Variants in PRKAB1 observed in about 807,000 individuals in gnomAD.
PRKAB1 encodes 5'-AMP-activated protein kinase subunit beta-1.
Under a neutral mutation model 32.0 loss-of-function variants are expected in PRKAB1, and 18 were observed. The observed-to-expected ratio is 0.56, with a 90% CI of 0.39 to 0.83. The LOEUF (loss-of-function observed/expected upper bound fraction) is 0.83, where lower values mean the gene tolerates loss of function less well. PRKAB1 is among the 40% of genes least tolerant of loss of function. PRKAB1 has a pLI of 0.00. For synonymous variants in PRKAB1, 141 were observed against 141.4 expected, an observed-to-expected ratio of 1.00 and a Z score of 0.02; for missense variants, 263 against 352.6, an observed-to-expected ratio of 0.75 and a Z score of 2.03.
intron 4 of PRKAB1, 149 bp from the exon 5 acceptor site, chr12:119,676,388 C>T (rs1955426487): frequency 2.0e-6 from 2 of 1,018,556 alleles, no homozygotes; most frequent in Non-Finnish European, 2.9e-6. Flanking sequence ...CTCTATTCTG[C>T]ACTCTTGGAA....
intron 1 of PRKAB1, among the ~76,000 whole-genome samples, chr12:119,669,077 A>C (rs1272594719): frequency 1.3e-5 from 2 of 150,962 alleles, no homozygotes; most frequent in Non-Finnish European, 3.0e-5. Context: ...AGGTCGCGCC[A>C]CTGCACTCCA....
intron 4 of PRKAB1, 68 bp from the exon 5 acceptor site, chr12:119,676,469 A>G: frequency 1.4e-6 from 2 of 1,460,264 alleles, no homozygotes; most frequent in Non-Finnish European, 1.9e-6. Context: ...AGATGATGAC[A>G]ACATAAGTAA....
At chr12:119,670,647 C>T (rs1955380620) in intron 1 of PRKAB1, among the ~76,000 whole-genome samples, 1 of 152,192 alleles carries the variant, frequency 6.6e-6, no homozygotes, top group South Asian at 2.1e-4. Context: ...TTCCAAAACT[C>T]CTCCAGGAAA....
At position 119,674,300 on chromosome 12, in the gene PRKAB1, C is replaced by A; in HGVS notation, c.418-40C>A. 6.7e-7 allele frequency: 1 copy of A among 1,481,768 alleles called. No individual in the cohort carries two copies. Among genetic ancestry groups the A allele is most frequent in the East Asian group, 2.3e-5 (1 of 44,154 alleles). 91.8% of individuals were successfully genotyped at this position (1,481,768 alleles called of 1,614,324 possible). Reference sequence around the variant, plus strand: ...GTCCTCTGAAGAATAACTCCGCAGACCTTCCACGTTATGATTTCTGCCTAT... The same window carrying A: ...GTCCTCTGAAGAATAACTCCGCAGAACTTCCACGTTATGATTTCTGCCTAT... On this transcript the variant is annotated intron_variant, in intron 3 of 6. Transcript: ENST00000229328. The surrounding 1 kb of genome is among the most constrained non-coding windows in gnomAD (Gnocchi z 4.3).
At chr12:119,672,259 G>T in intron 1 of PRKAB1, 42 bp from the exon 2 acceptor site, 2 of 1,538,944 alleles carry the variant, frequency 1.3e-6, no homozygotes, top group Non-Finnish European at 1.8e-6. Flanking sequence ...CTGTTGTAGG[G>T]AGCTCGCTTA....
chr12:119,675,429 T>G (rs1210882156), intron 4 of PRKAB1, among the ~76,000 whole-genome samples: 1 of 152,212 alleles, frequency 6.6e-6, no homozygotes, highest in Non-Finnish European at 1.5e-5. Context: ...TAATTAGTCT[T>G]TTAGAGATAT....
rs752025164 is a variant in PRKAB1, at chr12:119,672,375, G to A, written c.234G>A (p.Arg78=). ...ATGATAAAGCTCCCGCCCAGGCTCG[G>A]CCAACGGTGTTTCGATGGACGGGGG... The part of the protein sequence containing the change: ...EVNDKAPAQA[R]PTVFRWTGGG... The change falls in exon 2 of 7, where the codon CGG becomes CGA. Residue 78 remains arginine (R), a synonymous_variant. Transcript: ENST00000229328. 18 of 1,612,918 alleles carry A rather than the reference G, an allele frequency of 1.1e-5. No homozygotes were observed. In the East Asian group the frequency reaches 3.8e-4, roughly 34 times the overall value.
At chr12:119,672,851 G>A (rs1237562368) in intron 2 of PRKAB1, among the ~76,000 whole-genome samples, 1 of 152,200 alleles carries the variant, frequency 6.6e-6, no homozygotes, top group Non-Finnish European at 1.5e-5. Context: ...GAGCCTCAGC[G>A]TTCGTTTCTG....
At chr12:119,680,115 C>T (rs1955453176) in intron 6 of PRKAB1, 114 bp downstream of exon 6, 1 of 1,483,756 alleles carries the variant, frequency 6.7e-7, no homozygotes, top group Non-Finnish European at 9.4e-7. Context: ...CAGGGTCTGG[C>T]ACAGGCCATC....
intron 5 of PRKAB1, among the ~76,000 whole-genome samples, chr12:119,677,068 C>A (rs892545999): frequency 7.2e-5 from 11 of 152,230 alleles, no homozygotes; most frequent in Non-Finnish European, 1.5e-4. Context: ...TTTGGGATAT[C>A]TAGGTAACAC....
At chr12:119,672,210 A>G in intron 1 of PRKAB1, 91 bp from the exon 2 acceptor site, 2 of 1,303,324 alleles carry the variant, frequency 1.5e-6, no homozygotes, top group Non-Finnish European at 2.1e-6. Flanking sequence ...GAACCAAGAT[A>G]GTAACAGCTG....
chr12:119,677,371 A>G (rs1955433096), intron 5 of PRKAB1: 1 of 152,294 alleles, frequency 6.6e-6, no homozygotes, highest in African/African-American at 2.4e-5. Flanking sequence ...GAGACGAGGA[A>G]TGCACGTGTA....
At chr12:119,673,321 C>T (rs1955400520) in intron 2 of PRKAB1, among the ~76,000 whole-genome samples, 1 of 152,236 alleles carries the variant, frequency 6.6e-6, no homozygotes, top group African/African-American at 2.4e-5. Flanking sequence ...GGACTTCTGT[C>T]TTAAGTTGTC....
At chr12:119,676,694 GA>G in intron 5 of PRKAB1, 24 bp downstream of exon 5, 1 of 1,611,138 alleles carries the variant, frequency 6.2e-7, no homozygotes, top group Non-Finnish European at 8.5e-7. Context: ...CATCTGCCCG[GA>G]CCATCCGCCG....
chr12:119,669,978 C>T (rs1955374886), intron 1 of PRKAB1: 1 of 152,248 alleles, frequency 6.6e-6, no homozygotes, highest in African/African-American at 2.4e-5. Flanking sequence ...AGCTACTGAA[C>T]TTCTCTCTAG....
At position 119,672,468 on chromosome 12, in the gene PRKAB1, A is replaced by G; in HGVS notation, c.323+4A>G. The G allele has an allele frequency of 6.3e-7, 1 of 1,578,240 alleles. No individual in the cohort carries two copies. The highest frequency in any genetic ancestry group is 1.2e-5 in the South Asian group (1 of 86,234). The stretch of plus-strand genomic sequence containing the variant: ...GTAAACTTCCCCTCACCAGAAGGTA[A>G]TTGCCTGGGGAGTGTTCACATATTT... On this transcript the variant is annotated splice_donor_region_variant and intron_variant, in intron 2 of 6. Coordinates refer to ENST00000229328, the MANE Select transcript of PRKAB1 (RefSeq NM_006253.5).
Position 119,679,980 on chromosome 12 carries a change from C to T in PRKAB1, c.714C>T (p.His238=). 5 of 1,613,916 alleles carry T rather than the reference C, an allele frequency of 3.1e-6. No individual in the cohort carries two copies. Among genetic ancestry groups the T allele is most frequent in the Non-Finnish European group, 3.4e-6 (4 of 1,179,790 alleles). Residue 238 remains histidine (H), a synonymous_variant, in exon 6 of 7, where the codon CAC becomes CAT. Transcript: ENST00000229328. This position sits in a 1 kb window ranked among gnomAD's most constrained non-coding sequence, Gnocchi z 4.1. ...LPEPNHVMLN[H]LYALSIKDGV... ...AGCCCAATCACGTCATGCTGAACCACCTATACGCGCTGTCTATCAAGGTAA... is the reference window on the plus strand; with the variant it reads ...AGCCCAATCACGTCATGCTGAACCATCTATACGCGCTGTCTATCAAGGTAA...
chr12:119,676,717 C>T lies in PRKAB1; in HGVS notation c.666+47C>T. The stretch of plus-strand genomic sequence containing the variant: ...CGGACCATCCGCCGTGGGTCATGTT[C>T]AGTTGCTTTCTTTCCTGTGTCCACC... On this transcript the variant is annotated intron_variant, in intron 5 of 6. Coordinates refer to ENST00000229328, the MANE Select transcript of PRKAB1 (RefSeq NM_006253.5). 3 of 1,591,208 alleles carry T rather than the reference C, an allele frequency of 1.9e-6. No individual in the cohort carries two copies. In the South Asian group the frequency reaches 3.4e-5, roughly 18 times the overall value.
chr12:119,676,279 G>A (rs755960382), intron 4 of PRKAB1, among the ~76,000 whole-genome samples: 5 of 152,132 alleles, frequency 3.3e-5, no homozygotes, highest in Admixed American at 6.5e-5. Context: ...GTGATCTGAC[G>A]CAGACTCACT....
Sources: allele counts gnomAD v4.1 joint callset (sites outside exome capture counted in the v4.1 genomes callset), GRCh38; gene constraint gnomAD v4.1.1; non-coding constraint Gnocchi (gnomAD v3.1); transcripts MANE v1.5; gene names NCBI Gene and HGNC (gene_info 2026-07-23, HGNC 2026-07-21).